CAST: variants seen among roughly 807,000 people sequenced by gnomAD.
The protein encoded by CAST is calpastatin.
A neutral mutation model predicts 119.6 loss-of-function variants in CAST; 76 were observed. The observed-to-expected ratio is 0.64, with a 90% CI of 0.53 to 0.77. CAST has a LOEUF of 0.77. Among genes scored for constraint, CAST ranks in the 30% least tolerant of loss-of-function variants. The probability of loss-of-function intolerance (pLI) is 0.00; values close to 1 mark genes in which losing one functional copy is unlikely to be tolerated. For synonymous variants in CAST, 319 were observed against 331.6 expected (o/e 0.96, Z 0.41); for missense variants, 953 against 946.5 (o/e 1.01, Z -0.09).
At chr5:96,344,177 G>A in the CAST span, among the ~76,000 whole-genome samples, 4 of 151,612 alleles carry the variant, frequency 2.6e-5, no homozygotes, top group Admixed American at 1.3e-4. Flanking sequence ...GGCTAGTACC[G>A]CAAGCCCTAA....
the CAST span, among the ~76,000 whole-genome samples, chr5:96,471,687 A>G: frequency 5.3e-5 from 8 of 152,184 alleles, no homozygotes; most frequent in African/African-American, 1.9e-4. Context: ...TCAAACAAAA[A>G]CAAGATCTCA....
At chr5:96,221,434 C>T in the CAST span, among the ~76,000 whole-genome samples, 2 of 152,058 alleles carry the variant, frequency 1.3e-5, no homozygotes, top group Admixed American at 1.3e-4. Flanking sequence ...AATCAATATA[C>T]AAAAATCAGT....
the CAST span, among the ~76,000 whole-genome samples, chr5:96,230,549 G>T: frequency 6.6e-6 from 1 of 151,988 alleles, no homozygotes; most frequent in African/African-American, 2.4e-5. Flanking sequence ...ACTCCTAGAA[G>T]AAAACACAGA....
the CAST span, among the ~76,000 whole-genome samples, chr5:96,095,556 CAAAAAAAAAAA>C: frequency 1.7e-4 from 10 of 57,512 alleles, no homozygotes; most frequent in Non-Finnish European, 2.3e-4. Context: ...GACTCTGTTT[CAAAAAAAAAAA>C]AAAAAAAAAA....
chr5:96,584,797 G>A (rs971764461), intron 1 of CAST: 2 of 152,312 alleles, frequency 1.3e-5, no homozygotes, highest in Admixed American at 1.3e-4. Flanking sequence ...GTGGGTGTAT[G>A]AGGAGGAGGC....
At chr5:96,017,415 T>A in the CAST span, among the ~76,000 whole-genome samples, 1 of 152,202 alleles carries the variant, frequency 6.6e-6, no homozygotes, top group Non-Finnish European at 1.5e-5. Flanking sequence ...TTTTCTAATT[T>A]CACATCAATT....
chr5:96,245,370 A>G, the CAST span, among the ~76,000 whole-genome samples: 3 of 152,224 alleles, frequency 2.0e-5, no homozygotes, highest in South Asian at 2.1e-4. Flanking sequence ...TAGAGCATCT[A>G]TAGTCAAAGC....
At chr5:96,101,092 G>A in the CAST span, among the ~76,000 whole-genome samples, 1 of 152,082 alleles carries the variant, frequency 6.6e-6, no homozygotes, top group Admixed American at 6.6e-5. Flanking sequence ...TAAAATTTTT[G>A]TAGAGACAGA....
chr5:96,423,567 T>A, the CAST span: 1 of 1,003,452 alleles, frequency 1.0e-6, no homozygotes, highest in Non-Finnish European at 1.6e-6. Flanking sequence ...CTTGGGTCAC[T>A]CTACTCTTTA....
chr5:96,695,710 T>G (rs1388771665), intron 2 of CAST, 126 bp from the exon 3 acceptor site: 7 of 555,852 alleles, frequency 1.3e-5, no homozygotes, highest in Admixed American at 6.0e-5. Flanking sequence ...ATGTTTACTT[T>G]GGGTGTGTTT....
the CAST span, among the ~76,000 whole-genome samples, chr5:96,104,569 G>C: frequency 1.3e-5 from 2 of 151,924 alleles, no homozygotes; most frequent in Admixed American, 6.6e-5. Context: ...ATTTCTGAGG[G>C]CTCTGTTCTG....
chr5:96,659,365 T>C (rs953116167), upstream of CAST, among the ~76,000 whole-genome samples: 10 of 152,226 alleles, frequency 6.6e-5, 1 homozygote, highest in Admixed American at 6.5e-4. Flanking sequence ...TAAAATGAGG[T>C]ATGCCTGTAT....
At chr5:96,536,966 A>T (rs1057147014) in intron 1 of CAST, among the ~76,000 whole-genome samples, 10 of 152,240 alleles carry the variant, frequency 6.6e-5, no homozygotes, top group African/African-American at 2.4e-4. Flanking sequence ...TTCTCCTATG[A>T]GCACCCAGAA....
chr5:96,578,800 G>GT (rs941925967), intron 1 of CAST, among the ~76,000 whole-genome samples: 1 of 151,982 alleles, frequency 6.6e-6, no homozygotes, highest in African/African-American at 2.4e-5. Context: ...CATTTTGTCT[G>GT]TTTTTTTAGG....
At chr5:96,558,423 G>GA (rs1193401148) in intron 1 of CAST, among the ~76,000 whole-genome samples, 1 of 152,070 alleles carries the variant, frequency 6.6e-6, no homozygotes, top group Non-Finnish European at 1.5e-5. Context: ...CCAGGAGCTG[G>GA]TTTTTTGAAA....
At chr5:96,421,900 A>G in the CAST span, 10 of 1,575,990 alleles carry the variant, frequency 6.3e-6, no homozygotes, top group Middle Eastern at 1.7e-4. Context: ...TTGTGGGATC[A>G]TATCGGGGAA....
the CAST span, among the ~76,000 whole-genome samples, chr5:96,181,713 TA>T: frequency 2.0e-5 from 3 of 152,220 alleles, no homozygotes; most frequent in African/African-American, 7.2e-5. Context: ...ATTTCTTCAT[TA>T]GGGGAACTAG....
At chr5:96,510,487 G>GT in the CAST span, among the ~76,000 whole-genome samples, 1 of 151,872 alleles carries the variant, frequency 6.6e-6, no homozygotes, top group African/African-American at 2.4e-5. Flanking sequence ...ATAATGGTTT[G>GT]TTTTTTTCCC....
the CAST span, among the ~76,000 whole-genome samples, chr5:95,969,043 G>A: frequency 6.6e-6 from 1 of 152,166 alleles, no homozygotes; most frequent in Non-Finnish European, 1.5e-5. Flanking sequence ...TTCTATCTGC[G>A]ATAATGGGAG....
Sources: allele counts gnomAD v4.1 joint callset (sites outside exome capture counted in the v4.1 genomes callset), GRCh38; gene constraint gnomAD v4.1.1; transcripts MANE v1.5; gene names NCBI Gene and HGNC (gene_info 2026-07-23, HGNC 2026-07-21).